LTBP1: variants seen among roughly 807,000 people sequenced by gnomAD.
LTBP1 encodes the protein latent transforming growth factor beta binding protein 1, also known as latent-transforming growth factor beta-binding protein 1.
LTBP1 carries 129 observed loss-of-function variants against 207.6 expected under a neutral mutation model. The ratio of observed to expected loss-of-function variants is 0.62; its 90% CI spans 0.54 to 0.72. The LOEUF (loss-of-function observed/expected upper bound fraction) is 0.72, where lower values mean the gene tolerates loss of function less well. Ranked by LOEUF, LTBP1 falls within the 30% of genes least tolerant of loss-of-function variation. The probability of loss-of-function intolerance (pLI) is 0.00; values close to 1 mark genes in which losing one functional copy is unlikely to be tolerated. For missense variants in LTBP1, 2,281 were observed against 2,217.2 expected (o/e 1.03, Z -0.58); for synonymous variants, 963 against 833.7 (o/e 1.16, Z -2.67).
intron 31 of LTBP1, among the ~76,000 whole-genome samples, chr2:33,383,901 G>A (rs1232109953): frequency 6.6e-6 from 1 of 152,220 alleles, no homozygotes; most frequent in African/African-American, 2.4e-5. Flanking sequence ...AAATAACACA[G>A]TTCAAACTTC....
At chr2:33,267,937 A>G (rs915756842) in intron 15 of LTBP1, among the ~76,000 whole-genome samples, 1 of 152,240 alleles carries the variant, frequency 6.6e-6, no homozygotes, top group African/African-American at 2.4e-5. Context: ...TGAGTTTGGC[A>G]GAAATACAGG....
At chr2:33,212,587 G>T (rs1361005709) in intron 7 of LTBP1, among the ~76,000 whole-genome samples, 1 of 152,218 alleles carries the variant, frequency 6.6e-6, no homozygotes, top group African/African-American at 2.4e-5. Flanking sequence ...ATCCCTGAGA[G>T]ATGGGTTTCC....
intron 2 of LTBP1, among the ~76,000 whole-genome samples, chr2:32,961,898 T>C (rs1383574202): frequency 1.3e-5 from 2 of 151,352 alleles, no homozygotes; most frequent in African/African-American, 4.9e-5. Context: ...TGAATCAAGA[T>C]TGTGCCATTG....
intron 5 of LTBP1, among the ~76,000 whole-genome samples, chr2:33,161,501 T>C (rs2084466796): frequency 6.6e-6 from 1 of 152,254 alleles, no homozygotes; most frequent in Non-Finnish European, 1.5e-5. Context: ...ACTCCTGACC[T>C]CGTGATCCAC....
At chr2:32,972,809 T>C (rs1305749956) in intron 2 of LTBP1, among the ~76,000 whole-genome samples, 1 of 152,178 alleles carries the variant, frequency 6.6e-6, no homozygotes, top group Non-Finnish European at 1.5e-5. Context: ...TCCCCTTCAC[T>C]TTCTGTCATA....
At chr2:33,372,360 A>C (rs192710256) in intron 31 of LTBP1, among the ~76,000 whole-genome samples, 6 of 152,330 alleles carry the variant, frequency 3.9e-5, no homozygotes, top group African/African-American at 1.4e-4. Flanking sequence ...GTGCTAAAAG[A>C]AAAACTGATT....
At position 33,364,258 on chromosome 2, in the gene LTBP1, A is replaced by G; in HGVS notation, c.4442A>G (p.Gln1481Arg). ...GACCCCAGTAGTTGTATTGATGGCCAGTGTGTTAATACAGAGGGCTCTTAC... is the reference window on the plus strand; with the variant it reads ...GACCCCAGTAGTTGTATTGATGGCCGGTGTGTTAATACAGAGGGCTCTTAC... ...CQDPSSCIDG[Q>R]CVNTEGSYNC... Residue 1481 changes from glutamine (Q) to arginine (R), a missense_variant, in exon 30 of 34, where the codon CAG (glutamine) becomes CGG (arginine). Coordinates refer to ENST00000404816, the MANE Select transcript of LTBP1 (RefSeq NM_206943.4). 6.2e-7 allele frequency: 1 copy of G among 1,613,992 alleles called. No homozygotes were observed. The highest frequency in any genetic ancestry group is 1.3e-5 in the African/African-American group (1 of 75,024).
chr2:32,965,261 C>T (rs192110465), intron 2 of LTBP1, among the ~76,000 whole-genome samples: 47 of 152,254 alleles, frequency 3.1e-4, no homozygotes, highest in South Asian at 6.2e-4. Context: ...ATACCTTTGA[C>T]CCCACATACA....
chr2:33,039,888 T>C (rs1184647097), intron 3 of LTBP1, among the ~76,000 whole-genome samples: 1 of 152,036 alleles, frequency 6.6e-6, no homozygotes, highest in East Asian at 1.9e-4. Context: ...CGGTTGAGGT[T>C]TTAGATGACG....
chr2:33,060,708 G>A (rs919910157), intron 3 of LTBP1, among the ~76,000 whole-genome samples: 2 of 151,436 alleles, frequency 1.3e-5, no homozygotes, highest in African/African-American at 2.4e-5. Context: ...ATGGCTAACT[G>A]TGGTCTTTAA....
intron 31 of LTBP1, among the ~76,000 whole-genome samples, chr2:33,372,724 C>T (rs1473796150): frequency 6.6e-6 from 1 of 152,112 alleles, no homozygotes; most frequent in Admixed American, 6.5e-5. Context: ...ATTAGCCAGG[C>T]ATGGTGGCGC....
intron 15 of LTBP1, among the ~76,000 whole-genome samples, chr2:33,269,662 T>C (rs1213294312): frequency 1.3e-5 from 2 of 152,188 alleles, no homozygotes; most frequent in African/African-American, 2.4e-5. Flanking sequence ...CACAGTTTGC[T>C]CAAAGAATCA....
chr2:33,129,146 A>C (rs970389331), intron 4 of LTBP1, among the ~76,000 whole-genome samples: 1 of 152,218 alleles, frequency 6.6e-6, no homozygotes, highest in Non-Finnish European at 1.5e-5. Context: ...GTTGGTAATA[A>C]AAGTGGAGAA....
chr2:33,169,716 G>A (rs918390882), intron 5 of LTBP1, among the ~76,000 whole-genome samples: 1 of 152,064 alleles, frequency 6.6e-6, no homozygotes, highest in African/African-American at 2.4e-5. Context: ...TGACAAAGAT[G>A]TTTTCATCAA....
intron 2 of LTBP1, among the ~76,000 whole-genome samples, chr2:32,994,725 C>A (rs1329763822): frequency 6.6e-6 from 1 of 152,150 alleles, no homozygotes; most frequent in Non-Finnish European, 1.5e-5. Flanking sequence ...CCTCGCCCTC[C>A]CAAAGTGCTG....
At chr2:33,390,655 T>A (rs2095307378) in intron 32 of LTBP1, among the ~76,000 whole-genome samples, 1 of 151,890 alleles carries the variant, frequency 6.6e-6, no homozygotes, top group African/African-American at 2.4e-5. Context: ...GTGCAGCTAA[T>A]TTTTGTATTT....
intron 30 of LTBP1, 147 bp downstream of exon 30, chr2:33,364,503 G>A: frequency 1.3e-6 from 1 of 774,786 alleles, no homozygotes; most frequent in Non-Finnish European, 2.0e-6. Context: ...GATACTTACA[G>A]AAATAGTAAT....
chr2:33,343,081 T>C, intron 25 of LTBP1, 118 bp downstream of exon 25: 2 of 1,219,002 alleles, frequency 1.6e-6, no homozygotes, highest in Non-Finnish European at 2.2e-6. Flanking sequence ...TAATTTGATT[T>C]TGTCATACAA....
chr2:33,352,612 T>TA (rs2094797491), intron 26 of LTBP1, among the ~76,000 whole-genome samples: 1 of 152,198 alleles, frequency 6.6e-6, no homozygotes, highest in Non-Finnish European at 1.5e-5. Flanking sequence ...CAGCATCACT[T>TA]ACCTGGATCA....
Sources: allele counts gnomAD v4.1 joint callset (sites outside exome capture counted in the v4.1 genomes callset), GRCh38; gene constraint gnomAD v4.1.1; transcripts MANE v1.5; gene names NCBI Gene and HGNC (gene_info 2026-07-23, HGNC 2026-07-21).